Variants in NUBPL observed in about 807,000 individuals in gnomAD.
NUBPL encodes iron-sulfur cluster transfer protein NUBPL.
Under a neutral mutation model 45.7 loss-of-function variants are expected in NUBPL, and 31 were observed. The ratio of observed to expected loss-of-function variants is 0.68; its 90% CI spans 0.51 to 0.92. The LOEUF (loss-of-function observed/expected upper bound fraction) is 0.92, where lower values mean the gene tolerates loss of function less well. NUBPL is among the 40% of genes least tolerant of loss of function. NUBPL has a pLI of 0.00. For synonymous variants in NUBPL, 144 were observed against 140.9 expected (o/e 1.02, Z -0.15); for missense variants, 401 against 398.7 (o/e 1.01, Z -0.05).
chr14:31,733,131 C>G (rs1351166262), intron 6 of NUBPL, among the ~76,000 whole-genome samples: 1 of 151,964 alleles, frequency 6.6e-6, no homozygotes, highest in Admixed American at 6.6e-5. Context: ...GATATTTTCC[C>G]CCATTTAATT....
intron 4 of NUBPL, among the ~76,000 whole-genome samples, chr14:31,663,047 G>A (rs1442143973): frequency 6.6e-6 from 1 of 152,160 alleles, no homozygotes; most frequent in Non-Finnish European, 1.5e-5. Flanking sequence ...CTTCTTTTGA[G>A]AAGTGTCTGT....
intron 7 of NUBPL, among the ~76,000 whole-genome samples, chr14:31,798,902 C>T (rs1439075438): frequency 6.6e-6 from 1 of 150,376 alleles, no homozygotes; most frequent in Admixed American, 6.6e-5. Context: ...GGAAAACTTG[C>T]TTAACTCCAC....
At chr14:31,784,963 AG>A (rs2039258627) in intron 6 of NUBPL, among the ~76,000 whole-genome samples, 1 of 152,180 alleles carries the variant, frequency 6.6e-6, no homozygotes, top group South Asian at 2.1e-4. Context: ...TTCCTATTTT[AG>A]GGCCTTTGCA....
intron 4 of NUBPL, among the ~76,000 whole-genome samples, chr14:31,627,225 CT>C (rs201304835): frequency 6.6e-5 from 10 of 152,020 alleles, no homozygotes; most frequent in African/African-American, 2.4e-4. Flanking sequence ...CCCCGCTTTA[CT>C]TTTTAAAAAA....
Position 31,586,444 on chromosome 14 carries a change from A to T in NUBPL, c.292-12845A>T, listed in dbSNP as rs539636260. Among the ~76,000 whole-genome samples, 6 of 152,322 alleles carry T rather than the reference A, an allele frequency of 3.9e-5. No homozygotes were observed. The South Asian group carries it at 1.2e-3, about 32-fold the overall frequency. ...TTGAAGGAACTATGTAAGCAAAGTCATAGCAAGAAATGACAAGATATTTGG... is the reference window on the plus strand; with the variant it reads ...TTGAAGGAACTATGTAAGCAAAGTCTTAGCAAGAAATGACAAGATATTTGG... On this transcript the variant is annotated intron_variant, in intron 3 of 10. Coordinates refer to ENST00000281081, the MANE Select transcript of NUBPL (RefSeq NM_025152.3).
chr14:31,650,522 C>T (rs1035030650), intron 4 of NUBPL, among the ~76,000 whole-genome samples: 25 of 152,154 alleles, frequency 1.6e-4, no homozygotes, highest in African/African-American at 5.8e-4. Flanking sequence ...ATCTCCTGAC[C>T]TCATGATCCA....
intron 6 of NUBPL, among the ~76,000 whole-genome samples, chr14:31,769,845 G>A (rs1041089946): frequency 2.1e-4 from 32 of 151,974 alleles, no homozygotes; most frequent in African/African-American, 7.7e-4. Flanking sequence ...TTATTTTACA[G>A]ATGAGAAAAC....
intron 6 of NUBPL, chr14:31,686,853 C>T (rs1270836003): frequency 1.3e-5 from 2 of 152,376 alleles, no homozygotes; most frequent in South Asian, 2.1e-4. Flanking sequence ...CTGTGGCTCA[C>T]ACCTGTAATC....
chr14:31,779,014 A>G (rs2039145492), intron 6 of NUBPL, among the ~76,000 whole-genome samples: 1 of 152,178 alleles, frequency 6.6e-6, no homozygotes, highest in Non-Finnish European at 1.5e-5. Context: ...TGGGCAAGTT[A>G]TTACACCAGG....
At chr14:31,608,929 G>A (rs1011517840) in intron 4 of NUBPL, among the ~76,000 whole-genome samples, 2 of 151,922 alleles carry the variant, frequency 1.3e-5, no homozygotes, top group African/African-American at 4.8e-5. Flanking sequence ...AACATTCAAT[G>A]AATACACAAC....
chr14:31,853,861 G>T (rs982983125), intron 10 of NUBPL, among the ~76,000 whole-genome samples: 2 of 152,154 alleles, frequency 1.3e-5, no homozygotes, highest in Non-Finnish European at 2.9e-5. Context: ...AAATTCAATA[G>T]CATCCCCGCA....
chr14:31,637,096 T>A (rs189390147), intron 4 of NUBPL, among the ~76,000 whole-genome samples: 1 of 152,366 alleles, frequency 6.6e-6, no homozygotes, highest in African/African-American at 2.4e-5. Flanking sequence ...CCTTCAGTTC[T>A]GCTCCGATTT....
chr14:31,856,445 C>T (rs539089602), intron 10 of NUBPL, among the ~76,000 whole-genome samples: 29 of 152,274 alleles, frequency 1.9e-4, no homozygotes, highest in African/African-American at 6.7e-4. Flanking sequence ...ATCACATGTC[C>T]TCACATTTCA....
At chr14:31,688,170 C>G (rs1389470624) in intron 6 of NUBPL, among the ~76,000 whole-genome samples, 1 of 152,032 alleles carries the variant, frequency 6.6e-6, no homozygotes, top group Non-Finnish European at 1.5e-5. Flanking sequence ...TTAATGCCAG[C>G]AAAGTATGGT....
At chr14:31,673,621 G>T in intron 6 of NUBPL, 47 bp downstream of exon 6, 4 of 1,496,204 alleles carry the variant, frequency 2.7e-6, no homozygotes, top group Non-Finnish European at 3.7e-6. Flanking sequence ...CAAAGCTGTG[G>T]TTAATACATT....
chr14:31,800,572 A>G (rs919484994), intron 7 of NUBPL, among the ~76,000 whole-genome samples: 2 of 152,222 alleles, frequency 1.3e-5, no homozygotes, highest in Non-Finnish European at 2.9e-5. Context: ...CAGGTTTGCT[A>G]CAAACCTTCA....
intron 4 of NUBPL, 148 bp from the exon 5 acceptor site, chr14:31,673,207 T>C (rs1352098601): frequency 4.6e-6 from 3 of 649,400 alleles, no homozygotes; most frequent in Non-Finnish European, 2.7e-6. Flanking sequence ...AATGTAGACA[T>C]GTATCATAAC....
chr14:31,791,168 C>T (rs1193881362), intron 7 of NUBPL, among the ~76,000 whole-genome samples: 1 of 150,920 alleles, frequency 6.6e-6, no homozygotes, highest in East Asian at 1.9e-4. Context: ...GTCCCAGCTA[C>T]TTAGGAGGCC....
chr14:31,747,717 G>A (rs982011716), intron 6 of NUBPL, among the ~76,000 whole-genome samples: 2 of 151,764 alleles, frequency 1.3e-5, no homozygotes, highest in African/African-American at 4.8e-5. Context: ...TCCTAGTATA[G>A]CTAATGGTTT....
Sources: allele counts gnomAD v4.1 joint callset (sites outside exome capture counted in the v4.1 genomes callset), GRCh38; gene constraint gnomAD v4.1.1; transcripts MANE v1.5; gene names NCBI Gene and HGNC (gene_info 2026-07-23, HGNC 2026-07-21).